The following EPX variants were observed in gnomAD, a reference collection of about 807,000 sequenced individuals.
EPX encodes eosinophil peroxidase.
A neutral mutation model predicts 73.0 loss-of-function variants in EPX; 60 were observed. The ratio of observed to expected loss-of-function variants is 0.82; its 90% confidence interval spans 0.67 to 1.02. EPX has a LOEUF of 1.02. Among genes scored for constraint, EPX ranks in the 50% least tolerant of loss-of-function variants. EPX has a pLI of 0.00. For synonymous variants in EPX, 347 were observed against 389.2 expected, an observed-to-expected ratio of 0.89 and a Z score of 1.28; for missense variants, 950 against 973.9, an observed-to-expected ratio of 0.98 and a Z score of 0.33.
At position 58,193,933 on chromosome 17, in the gene EPX, C is replaced by G. The variant is rs760589017; in HGVS notation, c.465-30C>G. ...GCTGAGCCATCTCCAGGCCCTGCCC[C>G]CTGCTAACCTATCCCACCCATGGCT... On this transcript the variant is annotated intron_variant, in intron 4 of 12. Transcript: ENST00000225371. The G allele has an allele frequency of 1.1e-5, 17 of 1,612,642 alleles. No individual in the cohort carries two copies. In the Admixed American group the frequency reaches 2.7e-4, roughly 25 times the overall value.
intron 12 of EPX, 41 bp from the exon 13 acceptor site, chr17:58,204,695 C>T (rs1968405811): frequency 2.0e-6 from 1 of 489,708 alleles, no homozygotes. Flanking sequence ...TTCTAAACAT[C>T]CAGTAAATTC....
chr17:58,193,570 G>T, intron 3 of EPX, 24 bp downstream of exon 3: 2 of 1,611,936 alleles, frequency 1.2e-6, no homozygotes, highest in Non-Finnish European at 1.7e-6. Flanking sequence ...CACTGAGCCC[G>T]CTGGGCCTAC....
chr17:58,201,957 C>T (rs1036740666), intron 10 of EPX, among the ~76,000 whole-genome samples: 9 of 152,208 alleles, frequency 5.9e-5, no homozygotes, highest in Non-Finnish European at 1.2e-4. Context: ...GACACTAGCT[C>T]TTGCAATCTC....
At chr17:58,200,534 G>A (rs1031882487) in intron 10 of EPX, 139 bp downstream of exon 10, 3 of 886,852 alleles carry the variant, frequency 3.4e-6, no homozygotes. Context: ...CAAGGCCAAG[G>A]TCGATGTCCC....
chr17:58,193,967 A>C lies in EPX; in HGVS notation c.469A>C (p.Arg157=). The C allele has an allele frequency of 3.7e-6, 6 of 1,612,796 alleles. No homozygotes were observed. Among genetic ancestry groups the C allele is most frequent in the Non-Finnish European group, 5.1e-6 (6 of 1,179,994 alleles). ...TITGRCNNKR[R]PLLGASNQAL... ...CTATCCCACCCATGGCTGCAGGAGGAGACCCTTGCTAGGGGCCTCCAACCA... is the reference window on the plus strand; with the variant it reads ...CTATCCCACCCATGGCTGCAGGAGGCGACCCTTGCTAGGGGCCTCCAACCA... The change falls in exon 5 of 13, where the codon AGA becomes CGA. Residue 157 remains arginine, a synonymous_variant. Transcript: ENST00000225371.
At chr17:58,193,639 C>G in intron 3 of EPX, 75 bp from the exon 4 acceptor site, 1 of 1,554,678 alleles carries the variant, frequency 6.4e-7, no homozygotes, top group Non-Finnish European at 8.9e-7. Context: ...GTTTGGGGTG[C>G]TGGGAGGAGA....
rs33971258 is a variant in EPX, at chr17:58,197,012, C to A, written c.875C>A (p.Pro292His). The change falls in exon 7 of 13, where the codon CCC becomes CAC. Residue 292 changes from proline (P) to histidine (H), a missense_variant. Coordinates refer to ENST00000225371, the MANE Select transcript of EPX (RefSeq NM_000502.6). ...IPFFRSAPSC[P>H]QNKNRVRNQI... The stretch of plus-strand genomic sequence containing the variant: ...TTCTTCCGCTCGGCACCCTCATGCC[C>A]CCAAAACAAGAACAGAGTCCGCAAC... The A allele has an allele frequency of 6.2e-7, 1 of 1,613,984 alleles. No homozygotes were observed. Among genetic ancestry groups the A allele is most frequent in the Non-Finnish European group, 8.5e-7 (1 of 1,180,022 alleles).
rs751610120 is a variant in EPX, at chr17:58,194,927, G to A, written c.595-37G>A. 7.2e-6 allele frequency: 11 copies of A among 1,537,682 alleles called. No individual in the cohort carries two copies. In the Admixed American group the frequency reaches 1.0e-4, roughly 14 times the overall value. The stretch of plus-strand genomic sequence containing the variant: ...GGCTCTAATACCTTGTGGGGTCAGG[G>A]AGCCCATGTCCCGTGCTGATGTTAT... On this transcript the variant is annotated intron_variant, in intron 5 of 12. Transcript: ENST00000225371.
In EPX at chr17:58,195,047, G is replaced by A; in HGVS notation, c.678G>A (p.Gln226=). The change falls in exon 6 of 13, where the codon CAG becomes CAA. Residue 226 remains glutamine, a synonymous_variant. Coordinates refer to ENST00000225371, the MANE Select transcript of EPX (RefSeq NM_000502.6). ...SDRGRALMFM[Q]WGQFIDHDLD... The stretch of plus-strand genomic sequence containing the variant: ...GTGGCCGAGCCCTCATGTTCATGCA[G>A]TGGGGCCAGTTCATTGACCATGACC... The A allele has an allele frequency of 6.2e-7, 1 of 1,613,958 alleles. No individual in the cohort carries two copies. The highest frequency in any genetic ancestry group is 8.5e-7 in the Non-Finnish European group (1 of 1,179,778).
intron 10 of EPX, 78 bp from the exon 11 acceptor site, chr17:58,203,003 C>A: frequency 9.2e-7 from 1 of 1,081,194 alleles, no homozygotes. Flanking sequence ...CAGCTTCCCC[C>A]CAGAGGACTG....
In EPX at chr17:58,197,262, G is replaced by C. The variant is rs1968272450; in HGVS notation, c.1120+5G>C. 1.2e-6 allele frequency: 2 copies of C among 1,610,286 alleles called. No homozygotes were observed. The highest frequency in any genetic ancestry group is 1.7e-6 in the Non-Finnish European group (2 of 1,180,010). ...GCATCCCCTGCTTCCTGGCAGGTCAGACAGGGAGGAAGGTGGTGTCTTCCC... is the reference window on the plus strand; with the variant it reads ...GCATCCCCTGCTTCCTGGCAGGTCACACAGGGAGGAAGGTGGTGTCTTCCC... On this transcript the variant is annotated splice_donor_5th_base_variant and intron_variant, in intron 7 of 12. Transcript: ENST00000225371.
In EPX at chr17:58,195,150, C is replaced by G; in HGVS notation, c.781C>G (p.Pro261Ala). The G allele has an allele frequency of 6.2e-7, 1 of 1,613,400 alleles. No homozygotes were observed. The highest frequency in any genetic ancestry group is 8.5e-7 in the Non-Finnish European group (1 of 1,179,474). Residue 261 changes from proline to alanine, a missense_variant, in exon 6 of 13, where the codon CCC (proline) becomes GCC (alanine). By Grantham distance (27) the Pro-to-Ala change is conservative. Transcript: ENST00000225371. ...CTGTGAGAGGACCTGCGCCCAGCTGCCCCCCTGCTTTCCCATCAAGGTACC... is the reference window on the plus strand; with the variant it reads ...CTGTGAGAGGACCTGCGCCCAGCTGGCCCCCTGCTTTCCCATCAAGGTACC... ...VDCERTCAQL[P>A]PCFPIKIPPN...
intron 5 of EPX, 90 bp downstream of exon 5, chr17:58,194,182 A>AG: frequency 7.5e-7 from 1 of 1,339,260 alleles, no homozygotes; most frequent in Non-Finnish European, 1.1e-6. Context: ...CAGGGCTTGA[A>AG]CCCAGGCCCT....
At chr17:58,195,518 G>C (rs2095603774) in intron 6 of EPX, among the ~76,000 whole-genome samples, 1 of 152,164 alleles carries the variant, frequency 6.6e-6, no homozygotes, top group African/African-American at 2.4e-5. Flanking sequence ...CTCCTTCCCA[G>C]AGTAGTCCAA....
Position 58,204,208 on chromosome 17 carries a change from C to T in EPX, c.1947-14C>T, listed in dbSNP as rs981372664. On this transcript the variant is annotated splice_polypyrimidine_tract_variant and intron_variant, in intron 11 of 12. Transcript: ENST00000225371. ...CTCCCCAGCCTTCACCCACATCTCT[C>T]GACTGCCTGGTAGGTTCTGGTGGCA... is the stretch of plus-strand genomic sequence containing the variant. 10 of 1,607,200 alleles carry T rather than the reference C, an allele frequency of 6.2e-6. No homozygotes were observed. The African/African-American group carries it at 6.7e-5, about 11-fold the overall frequency.
rs1486037453 is a variant in EPX at position 58,194,995 on chromosome 17, T to C, written c.626T>C (p.Phe209Ser). 1 of 1,614,080 alleles carries C rather than the reference T, an allele frequency of 6.2e-7. No individual in the cohort carries two copies. The highest frequency in any genetic ancestry group is 1.1e-5 in the South Asian group (1 of 91,080). The change falls in exon 6 of 13, where the codon TTC (phenylalanine) becomes TCC (serine). Residue 209 changes from phenylalanine (F) to serine (S), a missense_variant. Physicochemically the swap from Phe to Ser is radical, Grantham distance 155. Coordinates refer to ENST00000225371, the MANE Select transcript of EPX (RefSeq NM_000502.6). ...GCTGTCTCCAACCAGATTGTGCGCTTCCCCAATGAGAGACTGACCTCCGAC... is the reference window on the plus strand; with the variant it reads ...GCTGTCTCCAACCAGATTGTGCGCTCCCCCAATGAGAGACTGACCTCCGAC... ...VRAVSNQIVR[F>S]PNERLTSDRG... is the part of the protein sequence containing the mutation.
chr17:58,200,171 A>G (rs965876109), intron 9 of EPX, 54 bp from the exon 10 acceptor site: 4 of 1,574,028 alleles, frequency 2.5e-6, no homozygotes, highest in East Asian at 2.2e-5. Flanking sequence ...TGATAACCCA[A>G]GTAGCTTCCC....
At chr17:58,193,337 T>G in intron 2 of EPX, 34 bp from the exon 3 acceptor site, 1 of 1,611,876 alleles carries the variant, frequency 6.2e-7, no homozygotes, top group Non-Finnish European at 8.5e-7. Context: ...GTCTGCACCC[T>G]CTCTCCAGCC....
At chr17:58,201,442 A>G (rs1430229590) in intron 10 of EPX, among the ~76,000 whole-genome samples, 1 of 152,166 alleles carries the variant, frequency 6.6e-6, no homozygotes, top group East Asian at 1.9e-4. Flanking sequence ...GGGCGGCTGA[A>G]CAGCCAATGC....
Sources: gnomAD v4.1 joint callset for allele counts (sites outside exome capture counted in the v4.1 genomes callset) on GRCh38, gnomAD v4.1.1 for gene constraint, MANE v1.5 for transcripts, NCBI Gene and HGNC (gene_info 2026-07-23, HGNC 2026-07-21) for gene names.